The following TIPIN variants were observed in gnomAD, a reference collection of about 807,000 sequenced individuals.
The protein encoded by TIPIN is TIMELESS interacting protein, also known as TIMELESS-interacting protein.
A neutral mutation model predicts 35.6 loss-of-function variants in TIPIN; 29 were observed. The ratio of observed to expected loss-of-function variants is 0.82; its 90% confidence interval spans 0.61 to 1.11. The LOEUF is 1.11. TIPIN is among the 50% of genes most tolerant of loss of function. The pLI is 0.00. For synonymous variants in TIPIN, 102 were observed against 121.5 expected, an observed-to-expected ratio of 0.84 and a Z score of 1.06; for missense variants, 296 against 345.4, an observed-to-expected ratio of 0.86 and a Z score of 1.13.
rs2093067866 is a variant in TIPIN, at chr15:66,339,157, A to AAT, written c.683-1977_683-1976insAT. On this transcript the variant is annotated intron_variant, in intron 7 of 7. Coordinates refer to ENST00000261881, the MANE Select transcript of TIPIN (RefSeq NM_017858.3). ...AAAAAAAAAAAAAAAAAAAAAAAAA[A>AAT]GCAAAAAGAAAAAGTAAATTCATCT... 4.2e-5 allele frequency among the ~76,000 whole-genome samples: 3 copies of AAT among 72,176 alleles called. 1 individual carries two copies. Among genetic ancestry groups the AAT allele is most frequent in the Admixed American group, 2.8e-4 (2 of 7,182 alleles). 47.4% of individuals were successfully genotyped at this position (72,176 alleles called of 152,430 possible).
chr15:66,341,054 G>C, intron 7 of TIPIN, 96 bp downstream of exon 7: 1 of 1,081,178 alleles, frequency 9.2e-7, no homozygotes, highest in Non-Finnish European at 1.4e-6. Context: ...TCCACTCCTA[G>C]AAGTATTTTA....
At position 66,367,135 on chromosome 15, in the gene TIPIN, G is replaced by A. The variant is rs371354840; in HGVS notation, c.-8-14180C>T. 4.6e-5 allele frequency among the ~76,000 whole-genome samples: 7 copies of A among 151,454 alleles called. No individual in the cohort carries two copies. The East Asian group carries it at 9.7e-4, about 21-fold the overall frequency. On this transcript the variant is annotated intron_variant, in intron 1 of 7. Transcript: ENST00000562124. ...GCAGAGGTTGCAATGAACCAAGATC[G>A]CGCCACTGCACTCCAGCCTGGGCAA...
intron 1 of TIPIN, among the ~76,000 whole-genome samples, chr15:66,373,336 A>C (rs1245271391): frequency 6.6e-6 from 1 of 152,012 alleles, no homozygotes; most frequent in Non-Finnish European, 1.5e-5. Flanking sequence ...TACTAAAAAT[A>C]CAAAAAATTA....
At chr15:66,383,982 AT>A (rs1048414270) in intron 1 of TIPIN, among the ~76,000 whole-genome samples, 2 of 152,012 alleles carry the variant, frequency 1.3e-5, no homozygotes, top group African/African-American at 4.8e-5. Flanking sequence ...AATAAAATTT[AT>A]TTTTATTTAT....
intron 1 of TIPIN, among the ~76,000 whole-genome samples, chr15:66,372,946 T>C (rs888172989): frequency 2.0e-5 from 3 of 152,064 alleles, no homozygotes. Context: ...TTAATGTAGC[T>C]TTTCTATGTT....
At chr15:66,342,562 CCG>C (rs2093096607) in intron 6 of TIPIN, among the ~76,000 whole-genome samples, 6 of 152,110 alleles carry the variant, frequency 3.9e-5, no homozygotes, top group Admixed American at 3.9e-4. Context: ...CAGGGTTTCA[CCG>C]TATTGGCCAG....
At chr15:66,356,359 C>A (rs2093204001) in intron 1 of TIPIN, among the ~76,000 whole-genome samples, 1 of 152,132 alleles carries the variant, frequency 6.6e-6, no homozygotes, top group South Asian at 2.1e-4. Flanking sequence ...ACGCCCCGGA[C>A]AGAAGCCTGG....
chr15:66,341,486 G>GAATACATGCTTGATTCAATTAAATA lies in TIPIN; in HGVS notation c.476-131_476-130insTATTTAATTGAATCAAGCATGTATT, dbSNP rs1595784759. The GAATACATGCTTGATTCAATTAAATA allele has an allele frequency of 4.7e-5, 24 of 510,144 alleles. 8 individuals are homozygous for GAATACATGCTTGATTCAATTAAATA. In the African/African-American group the frequency reaches 5.0e-4, roughly 11 times the overall value. 31.6% of individuals were successfully genotyped at this position (510,144 alleles called of 1,614,324 possible). On this transcript the variant is annotated intron_variant, in intron 6 of 7. Coordinates refer to ENST00000261881, the MANE Select transcript of TIPIN (RefSeq NM_017858.3). ...AATTTGTGAAGTATAAGAATGTTGT[G>GAATACATGCTTGATTCAATTAAATA]GGCCGGGCGCGGTGGCTCACGCCTG...
intron 7 of TIPIN, among the ~76,000 whole-genome samples, chr15:66,337,627 G>A (rs1595779766): frequency 1.3e-5 from 2 of 151,946 alleles, no homozygotes; most frequent in African/African-American, 4.8e-5. Flanking sequence ...TAGCCAATAA[G>A]CCCATTTTTA....
chr15:66,351,612 A>T lies in TIPIN; in HGVS notation c.213-12T>A. ...TCTCTGAAATTAATCTGTGAATAAAAGTATGTTTTTAATTTCAAGTTTTAT... is the reference window on the plus strand; with the variant it reads ...TCTCTGAAATTAATCTGTGAATAAATGTATGTTTTTAATTTCAAGTTTTAT... On this transcript the variant is annotated splice_polypyrimidine_tract_variant and intron_variant, in intron 3 of 7. Transcript: ENST00000261881. The T allele has an allele frequency of 6.3e-7, 1 of 1,578,542 alleles. No homozygotes were observed. The highest frequency in any genetic ancestry group is 8.6e-7 in the Non-Finnish European group (1 of 1,161,248).
At chr15:66,372,469 G>C (rs982644494) in intron 1 of TIPIN, among the ~76,000 whole-genome samples, 1 of 152,122 alleles carries the variant, frequency 6.6e-6, no homozygotes, top group African/African-American at 2.4e-5. Context: ...ACTGAAACTT[G>C]GGTTGTTTCC....
chr15:66,351,740 C>T lies in TIPIN; in HGVS notation c.213-140G>A, dbSNP rs1285512704. ...GCAAGCTCGGCCTCCCCCAGGTTCA[C>T]GTCATTCTCCTGCCTCAGCCTCCCA... On this transcript the variant is annotated intron_variant, in intron 3 of 7. Coordinates refer to ENST00000261881, the MANE Select transcript of TIPIN (RefSeq NM_017858.3). 29 of 657,046 alleles carry T rather than the reference C, an allele frequency of 4.4e-5. No individual in the cohort carries two copies. The South Asian group carries it at 4.7e-4, about 11-fold the overall frequency. The allele number at this position is 657,046 out of a possible 1,614,324, so 40.7% of individuals were successfully genotyped here. A position where few individuals can be genotyped will look rare whatever the true frequency, so the allele number is the denominator to read the frequency against.
At chr15:66,370,292 G>A (rs531815702) in intron 1 of TIPIN, among the ~76,000 whole-genome samples, 1 of 152,276 alleles carries the variant, frequency 6.6e-6, no homozygotes, top group East Asian at 1.9e-4. Flanking sequence ...ATCCTGTATG[G>A]TTTAAGCCAC....
upstream of TIPIN, among the ~76,000 whole-genome samples, chr15:66,358,276 T>A (rs2093216017): frequency 6.6e-6 from 1 of 151,936 alleles, no homozygotes; most frequent in African/African-American, 2.4e-5. Context: ...TTAACTATAA[T>A]TTTTTTTGAA....
intron 1 of TIPIN, chr15:66,379,207 C>A: frequency 1.6e-6 from 2 of 1,285,322 alleles, no homozygotes; most frequent in Non-Finnish European, 2.1e-6. Context: ...ATCTTTGATG[C>A]ACCTGGAATT....
chr15:66,374,990 C>T (rs952186444), intron 1 of TIPIN, among the ~76,000 whole-genome samples: 1 of 152,118 alleles, frequency 6.6e-6, no homozygotes. Context: ...GGATTACAGG[C>T]CTGAGCCACT....
intron 1 of TIPIN, among the ~76,000 whole-genome samples, chr15:66,378,895 C>A (rs1248776043): frequency 1.3e-5 from 2 of 152,040 alleles, no homozygotes; most frequent in Non-Finnish European, 2.9e-5. Flanking sequence ...TACCACCATG[C>A]CTGGCTAAGT....
intron 1 of TIPIN, chr15:66,366,917 C>T (rs898304129): frequency 6.1e-5 from 60 of 984,752 alleles, no homozygotes; most frequent in Non-Finnish European, 6.9e-5. Context: ...CATGGTGGCT[C>T]ATACCTGTAA....
At chr15:66,379,989 TC>T in intron 1 of TIPIN, 1 of 360,848 alleles carries the variant, frequency 2.8e-6, no homozygotes, top group Non-Finnish European at 4.8e-6. Context: ...TCATTTCTTT[TC>T]TTTCTTTCTT....
Sources: allele counts gnomAD v4.1 joint callset (sites outside exome capture counted in the v4.1 genomes callset), GRCh38; gene constraint gnomAD v4.1.1; transcripts MANE v1.5; gene names NCBI Gene and HGNC (gene_info 2026-07-23, HGNC 2026-07-21).